Variants in TENM2 observed in about 807,000 individuals in gnomAD.
The protein encoded by TENM2 is teneurin-2.
Under a neutral mutation model 245.2 loss-of-function variants are expected in TENM2, and 52 were observed. The ratio of observed to expected loss-of-function variants is 0.21; its 90% confidence interval spans 0.17 to 0.27. TENM2 has a LOEUF of 0.27. Among genes scored for constraint, TENM2 ranks in the 10% least tolerant of loss-of-function variants. TENM2 has a pLI of 1.00. For synonymous variants in TENM2, 1,363 were observed against 1,438.9 expected, an observed-to-expected ratio of 0.95 and a Z score of 1.19; for missense variants, 3,046 against 3,666.8, an observed-to-expected ratio of 0.83 and a Z score of 4.37.
intron 6 of TENM2, among the ~76,000 whole-genome samples, chr5:168,054,533 C>G (rs1042816062): frequency 1.3e-5 from 2 of 152,188 alleles, no homozygotes; most frequent in African/African-American, 4.8e-5. Flanking sequence ...TGCTGAGGTG[C>G]CTCCAGAGTT....
intron 2 of TENM2, among the ~76,000 whole-genome samples, chr5:167,659,574 T>A (rs763142472): frequency 2.6e-5 from 4 of 152,212 alleles, no homozygotes; most frequent in Non-Finnish European, 5.9e-5. Context: ...ACTATTCGTT[T>A]TATTTCAGGC....
chr5:167,137,235 A>T, the TENM2 span, among the ~76,000 whole-genome samples: 3 of 152,156 alleles, frequency 2.0e-5, no homozygotes, highest in Admixed American at 1.3e-4. Context: ...GTGGGGAAGC[A>T]ATTCAGTCTC....
intron 1 of TENM2, among the ~76,000 whole-genome samples, chr5:167,372,480 T>C (rs191357141): frequency 1.7e-4 from 26 of 152,326 alleles, no homozygotes; most frequent in African/African-American, 6.0e-4. Flanking sequence ...CATGCAGTGC[T>C]CTTCACAAAG....
At position 167,934,628 on chromosome 5, in the gene TENM2, G is replaced by A. The variant is rs533294139; in HGVS notation, c.713-17960G>A. ...AACGAGGGAGTTTGGCTGGAGCAAT[G>A]AGACATGTCGAGAGCCTTTGGGTAT... On this transcript the variant is annotated intron_variant, in intron 3 of 28. Coordinates refer to ENST00000518659, the Ensembl canonical transcript of TENM2. Among the ~76,000 whole-genome samples, 3 of 152,356 alleles carry A rather than the reference G, an allele frequency of 2.0e-5. No individual in the cohort carries two copies. The East Asian group carries it at 5.8e-4, about 29-fold the overall frequency.
Position 167,317,199 on chromosome 5 carries a change from G to A in TENM2, c.226+32136G>A, listed in dbSNP as rs540807392. Among the ~76,000 whole-genome samples the A allele has an allele frequency of 2.6e-5, 4 of 152,234 alleles. No individual in the cohort carries two copies. In the East Asian group the frequency reaches 7.7e-4, roughly 29 times the overall value. ...AGCAGTCAATAATGCAACTAGAAAGGATCCCTTCAGTAGGTTCATGATTCT... is the reference window on the plus strand; with the variant it reads ...AGCAGTCAATAATGCAACTAGAAAGAATCCCTTCAGTAGGTTCATGATTCT... On this transcript the variant is annotated intron_variant, in intron 1 of 28. Coordinates refer to ENST00000518659, the Ensembl canonical transcript of TENM2.
the TENM2 span, among the ~76,000 whole-genome samples, chr5:167,216,712 A>C: frequency 6.6e-6 from 1 of 152,238 alleles, no homozygotes; most frequent in Admixed American, 6.5e-5. Context: ...GATCACTTGA[A>C]GCCAGGAGTT....
At chr5:167,429,385 A>G in intron 2 of TENM2, among the ~76,000 whole-genome samples, 1 of 152,136 alleles carries the variant, frequency 6.6e-6, no homozygotes. Flanking sequence ...CTTACTGCAC[A>G]TCTCCTCTGT....
chr5:167,971,704 C>CA (rs1781804116), intron 4 of TENM2, among the ~76,000 whole-genome samples: 1 of 49,524 alleles, frequency 2.0e-5, no homozygotes, highest in Non-Finnish European at 3.5e-5. Context: ...CCATCTAAAA[C>CA]AAACAAACAA....
chr5:167,875,661 T>C (rs1657762584), intron 2 of TENM2, among the ~76,000 whole-genome samples: 1 of 152,182 alleles, frequency 6.6e-6, no homozygotes, highest in South Asian at 2.1e-4. Flanking sequence ...AGGAGGTAGC[T>C]CAGAGAGAGA....
chr5:167,388,742 G>A (rs1382418287), intron 2 of TENM2, among the ~76,000 whole-genome samples: 5 of 151,888 alleles, frequency 3.3e-5, no homozygotes, highest in Non-Finnish European at 4.4e-5. Context: ...TTTCCATCGC[G>A]ATTTCATTTT....
chr5:167,704,255 G>A (rs188242681), intron 2 of TENM2, among the ~76,000 whole-genome samples: 2 of 152,158 alleles, frequency 1.3e-5, no homozygotes, highest in Admixed American at 1.3e-4. Flanking sequence ...TCACACTCTG[G>A]GTCCCTGTCT....
intron 2 of TENM2, among the ~76,000 whole-genome samples, chr5:167,739,545 A>G (rs79098972): frequency 0.024 from 3,646 of 152,212 alleles, 149 homozygotes; most frequent in African/African-American, 0.083. Flanking sequence ...AAAGCCAGCA[A>G]ATGCTCCTGG....
At chr5:167,345,903 A>C (rs570499927) in intron 1 of TENM2, among the ~76,000 whole-genome samples, 1 of 152,198 alleles carries the variant, frequency 6.6e-6, no homozygotes, top group South Asian at 2.1e-4. Context: ...AAAAAAAAAA[A>C]AAAAAACAAG....
intron 2 of TENM2, among the ~76,000 whole-genome samples, chr5:167,465,091 G>A (rs1355435380): frequency 1.3e-5 from 2 of 152,166 alleles, no homozygotes; most frequent in African/African-American, 4.8e-5. Flanking sequence ...CATTACTAGA[G>A]GTGTTTAAGT....
chr5:167,076,275 A>G, the TENM2 span, among the ~76,000 whole-genome samples: 1 of 152,210 alleles, frequency 6.6e-6, no homozygotes, highest in Admixed American at 6.5e-5. Flanking sequence ...ATGAAATGCA[A>G]GAAGTGCTTC....
chr5:167,334,553 A>G (rs1387270480), intron 1 of TENM2, among the ~76,000 whole-genome samples: 1 of 152,188 alleles, frequency 6.6e-6, no homozygotes. Context: ...ATTCTCATTC[A>G]ATAGTGCATT....
chr5:168,228,528 G>A (rs913582005), intron 25 of TENM2, among the ~76,000 whole-genome samples: 2 of 85,384 alleles, frequency 2.3e-5, no homozygotes, highest in African/African-American at 2.7e-4. Context: ...CAATGAATTG[G>A]TGTTCGTGCC....
chr5:168,121,064 A>C (rs1795436383), intron 10 of TENM2, among the ~76,000 whole-genome samples: 1 of 152,306 alleles, frequency 6.6e-6, no homozygotes, highest in South Asian at 2.1e-4. Context: ...TAACTTCATA[A>C]ATGTAATTCA....
At chr5:167,511,238 TAA>T (rs1205985839) in intron 2 of TENM2, among the ~76,000 whole-genome samples, 1 of 152,130 alleles carries the variant, frequency 6.6e-6, no homozygotes, top group African/African-American at 2.4e-5. Flanking sequence ...GGAGGACAGA[TAA>T]AAGACTGGGA....
Sources: allele counts gnomAD v4.1 joint callset (sites outside exome capture counted in the v4.1 genomes callset), GRCh38; gene constraint gnomAD v4.1.1; transcripts MANE v1.5; gene names NCBI Gene and HGNC (gene_info 2026-07-23, HGNC 2026-07-21).